CDC14A: variants seen among roughly 807,000 people sequenced by gnomAD.
CDC14A encodes cell division cycle 14A.
In CDC14A, 53 loss-of-function variants were observed where a neutral mutation model predicts 74.4. That is an observed-to-expected ratio of 0.71 (90% CI 0.57 to 0.89). CDC14A has a LOEUF of 0.89. Among genes scored for constraint, CDC14A ranks in the 40% least tolerant of loss-of-function variants. CDC14A has a pLI of 0.00. For missense variants in CDC14A, 646 were observed against 713.7 expected, an observed-to-expected ratio of 0.91 and a Z score of 1.08; for synonymous variants, 247 against 258.4, an observed-to-expected ratio of 0.96 and a Z score of 0.43.
At chr1:100,414,219 A>G (rs1661226629) in intron 4 of CDC14A, among the ~76,000 whole-genome samples, 1 of 152,174 alleles carries the variant, frequency 6.6e-6, no homozygotes, top group Non-Finnish European at 1.5e-5. Context: ...TAATCCCAAC[A>G]CTTTGGAAGG....
chr1:100,377,439 T>G, intron 2 of CDC14A, 107 bp from the exon 3 acceptor site: 1 of 746,930 alleles, frequency 1.3e-6, no homozygotes. Flanking sequence ...AGTTATAAGA[T>G]AATTGAAATT....
chr1:100,421,748 T>C (rs961372024), intron 4 of CDC14A, among the ~76,000 whole-genome samples: 1 of 152,184 alleles, frequency 6.6e-6, no homozygotes, highest in African/African-American at 2.4e-5. Flanking sequence ...TCGAATTCTG[T>C]TTTCATCCTA....
At chr1:100,432,918 T>C (rs1328075497) in intron 5 of CDC14A, among the ~76,000 whole-genome samples, 1 of 152,214 alleles carries the variant, frequency 6.6e-6, no homozygotes, top group Non-Finnish European at 1.5e-5. Flanking sequence ...AAATAGAGTC[T>C]CACTCTGTTA....
intron 4 of CDC14A, among the ~76,000 whole-genome samples, chr1:100,405,281 A>G (rs1243275373): frequency 1.3e-5 from 2 of 152,216 alleles, no homozygotes; most frequent in African/African-American, 4.8e-5. Flanking sequence ...AATTGCACAT[A>G]ATATGATCTA....
At chr1:100,455,264 G>GT in intron 7 of CDC14A, 141 bp from the exon 8 acceptor site, 1 of 609,456 alleles carries the variant, frequency 1.6e-6, no homozygotes, top group South Asian at 2.1e-5. Flanking sequence ...TCAGGTGCAT[G>GT]TTTTTATTTT....
intron 10 of CDC14A, among the ~76,000 whole-genome samples, chr1:100,474,850 G>T (rs575623013): frequency 2.0e-5 from 3 of 151,482 alleles, no homozygotes; most frequent in Non-Finnish European, 4.4e-5. Flanking sequence ...CTGCTTCCTT[G>T]TAGTTTTCAG....
chr1:100,373,079 C>G (rs1294656762), intron 2 of CDC14A, among the ~76,000 whole-genome samples: 1 of 152,184 alleles, frequency 6.6e-6, no homozygotes, highest in Non-Finnish European at 1.5e-5. Context: ...AGAGGCCTAG[C>G]TTTTGGCCTA....
chr1:100,419,050 G>A (rs567156023), intron 4 of CDC14A, among the ~76,000 whole-genome samples: 24 of 152,306 alleles, frequency 1.6e-4, no homozygotes, highest in Admixed American at 9.8e-4. Context: ...GCTGAATGTG[G>A]TGGTGTGTAC....
At chr1:100,409,983 T>A (rs2030052) in intron 4 of CDC14A, among the ~76,000 whole-genome samples, 13,381 of 152,196 alleles carry the variant, frequency 0.088, 2,037 homozygotes, top group African/African-American at 0.31. Flanking sequence ...ATGTATTTTA[T>A]CCAGAGTCAA....
chr1:100,479,343 C>T (rs1321995920), intron 10 of CDC14A, among the ~76,000 whole-genome samples: 1 of 152,144 alleles, frequency 6.6e-6, no homozygotes, highest in Admixed American at 6.6e-5. Context: ...AATTGTATAG[C>T]ATGAACTCCG....
In CDC14A at chr1:100,381,035, C is replaced by A. The variant is rs372668804; in HGVS notation, c.216+3414C>A. ...CTGTATCGTTGATGAATTGTAATTA[C>A]CTGTTTGCACCTGTCATTCTCACTA... On this transcript the variant is annotated intron_variant, in intron 3 of 15. Transcript: ENST00000336454. Among the ~76,000 whole-genome samples the A allele has an allele frequency of 2.6e-5, 4 of 152,266 alleles. No homozygotes were observed. The East Asian group carries it at 7.7e-4, about 29-fold the overall frequency.
At chr1:100,506,125 G>T (rs1478752835) in intron 15 of CDC14A, among the ~76,000 whole-genome samples, 1 of 152,034 alleles carries the variant, frequency 6.6e-6, no homozygotes, top group East Asian at 1.9e-4. Context: ...ATTTCAACAG[G>T]ACATTTGGAG....
intron 4 of CDC14A, among the ~76,000 whole-genome samples, chr1:100,403,535 G>T (rs189220386): frequency 2.0e-5 from 3 of 152,328 alleles, no homozygotes; most frequent in Admixed American, 6.5e-5. Flanking sequence ...AAAACTGAAA[G>T]TATTCTGAAG....
intron 3 of CDC14A, among the ~76,000 whole-genome samples, chr1:100,380,641 G>A (rs17122354): frequency 0.011 from 1,734 of 152,282 alleles, 31 homozygotes; most frequent in African/African-American, 0.04. Context: ...CTGGCACCCT[G>A]CTGATGTCTC....
intron 10 of CDC14A, among the ~76,000 whole-genome samples, chr1:100,474,595 T>A (rs1358560292): frequency 2.9e-5 from 4 of 137,634 alleles, no homozygotes; most frequent in Non-Finnish European, 4.7e-5. Context: ...GTCAAAATTA[T>A]GTTTGTGGAG....
upstream of CDC14A, chr1:100,352,389 G>C (rs892618895): frequency 1.2e-6 from 1 of 864,440 alleles, no homozygotes; most frequent in Non-Finnish European, 1.4e-6. Context: ...GATGGCCGCG[G>C]AGTCGTGAAA....
chr1:100,454,989 C>A (rs1452534479), intron 7 of CDC14A, among the ~76,000 whole-genome samples: 1 of 152,174 alleles, frequency 6.6e-6, no homozygotes, highest in Admixed American at 6.5e-5. Flanking sequence ...GAAGTGTATT[C>A]ATCAGGAGCT....
rs1376464884 is a variant in CDC14A, at chr1:100,352,780, G to T, written c.-175G>T. The T allele has an allele frequency of 2.8e-6, 4 of 1,421,112 alleles. No individual in the cohort carries two copies. The highest frequency in any genetic ancestry group is 3.0e-5 in the South Asian group (2 of 65,596). 88.0% of individuals were successfully genotyped at this position (1,421,112 alleles called of 1,614,324 possible). ...GTTCCCCTCGGAATGTCCCCGGGGC[G>T]CCCGGCGCGCTGACCCCGAAGCCGC... On this transcript the variant is annotated 5_prime_UTR_variant, in exon 1 of 16. Transcript: ENST00000336454.
chr1:100,463,270 A>G (rs1011403397), intron 9 of CDC14A, among the ~76,000 whole-genome samples: 1 of 151,906 alleles, frequency 6.6e-6, no homozygotes, highest in Admixed American at 6.6e-5. Flanking sequence ...TCTCTTCTCC[A>G]TCCTCTTGCA....
Sources: allele counts gnomAD v4.1 joint callset (sites outside exome capture counted in the v4.1 genomes callset), GRCh38; gene constraint gnomAD v4.1.1; transcripts MANE v1.5; gene names NCBI Gene and HGNC (gene_info 2026-07-23, HGNC 2026-07-21).